ATP9A: variants seen among roughly 807,000 people sequenced by gnomAD.
ATP9A encodes the protein probable phospholipid-transporting ATPase IIA.
Under a neutral mutation model 144.1 loss-of-function variants are expected in ATP9A, and 52 were observed. The observed-to-expected ratio is 0.36, with a 90% confidence interval of 0.29 to 0.45. The LOEUF (loss-of-function observed/expected upper bound fraction) is 0.45, where lower values mean the gene tolerates loss of function less well. ATP9A is among the 20% of genes least tolerant of loss of function. The pLI, the probability that ATP9A is intolerant of heterozygous loss-of-function variation, is 1.00. For missense variants in ATP9A, 947 were observed against 1,392.7 expected, an observed-to-expected ratio of 0.68 and a Z score of 5.09; for synonymous variants, 582 against 557.4, an observed-to-expected ratio of 1.04 and a Z score of -0.62.
At chr20:51,695,624 A>G (rs890193484) in intron 6 of ATP9A, among the ~76,000 whole-genome samples, 3 of 152,182 alleles carry the variant, frequency 2.0e-5, no homozygotes, top group African/African-American at 7.2e-5. Context: ...TAAATAAATC[A>G]ATAGGTGCTA....
At chr20:51,763,331 G>A (rs1192085622) in intron 1 of ATP9A, among the ~76,000 whole-genome samples, 1 of 87,342 alleles carries the variant, frequency 1.1e-5, no homozygotes, top group African/African-American at 4.9e-5. Flanking sequence ...TTTTTTTTTT[G>A]AGATGGAGTC....
intron 2 of ATP9A, among the ~76,000 whole-genome samples, chr20:51,728,557 G>C (rs1041949151): frequency 1.4e-4 from 21 of 151,844 alleles, no homozygotes; most frequent in Non-Finnish European, 2.5e-4. Flanking sequence ...GAACCCAGGA[G>C]GCGGAGGTTG....
intron 16 of ATP9A, among the ~76,000 whole-genome samples, chr20:51,628,079 G>A (rs1305921954): frequency 6.6e-6 from 1 of 152,158 alleles, no homozygotes; most frequent in Non-Finnish European, 1.5e-5. Flanking sequence ...GTGTTCCCAG[G>A]AAGTGGAGGT....
At chr20:51,680,066 C>A (rs1287464021) in intron 9 of ATP9A, among the ~76,000 whole-genome samples, 1 of 151,836 alleles carries the variant, frequency 6.6e-6, no homozygotes, top group Non-Finnish European at 1.5e-5. Flanking sequence ...CCCGTCTCCA[C>A]TAAAAATATA....
chr20:51,681,066 G>A (rs2077497857), intron 9 of ATP9A, among the ~76,000 whole-genome samples: 1 of 152,152 alleles, frequency 6.6e-6, no homozygotes, highest in Non-Finnish European at 1.5e-5. Flanking sequence ...TCTTCAAGAT[G>A]CCAATATGCC....
chr20:51,634,137 A>G (rs1430124667), intron 15 of ATP9A, among the ~76,000 whole-genome samples: 1 of 152,198 alleles, frequency 6.6e-6, no homozygotes, highest in Non-Finnish European at 1.5e-5. Context: ...TCAAAAAAAT[A>G]TAACATGTCC....
intron 24 of ATP9A, among the ~76,000 whole-genome samples, chr20:51,608,957 G>A: frequency 6.6e-6 from 1 of 151,644 alleles, no homozygotes; most frequent in Admixed American, 6.6e-5. Context: ...GTGTGTGTAG[G>A]GGGTGATGGT....
intron 4 of ATP9A, among the ~76,000 whole-genome samples, chr20:51,706,220 A>C (rs1215705585): frequency 6.6e-6 from 1 of 152,208 alleles, no homozygotes; most frequent in Non-Finnish European, 1.5e-5. Context: ...TTATATGCAA[A>C]AGTGCTGAGC....
chr20:51,618,974 T>C lies in ATP9A; in HGVS notation c.2185A>G (p.Ile729Val), dbSNP rs775324869. The change falls in exon 20 of 28, where the codon ATC becomes GTC. Residue 729 changes from isoleucine to valine, a missense_variant. Coordinates refer to ENST00000338821, the MANE Select transcript of ATP9A (RefSeq NM_006045.3). ...CTCACCTCCAGGGAGTCTCCCGAGA[T>C]GACCAGGGCACAATCATGCTTCCTG... ...FRRKHDCALV[I>V]SGDSLEVCLK... is the part of the protein sequence containing the mutation. 6.2e-7 allele frequency: 1 copy of C among 1,614,040 alleles called. No homozygotes were observed. Among genetic ancestry groups the C allele is most frequent in the South Asian group, 1.1e-5 (1 of 91,060 alleles).
chr20:51,676,248 A>C, intron 9 of ATP9A, 40 bp from the exon 10 acceptor site: 1 of 1,466,766 alleles, frequency 6.8e-7, no homozygotes, highest in Non-Finnish European at 9.3e-7. Flanking sequence ...GAAAAGAAAT[A>C]TTAATACAGA....
chr20:51,718,382 GTTGT>G (rs2077671965), intron 3 of ATP9A, among the ~76,000 whole-genome samples: 2 of 150,196 alleles, frequency 1.3e-5, no homozygotes, highest in African/African-American at 4.9e-5. Flanking sequence ...GTGGGGGGGG[GTTGT>G]TTGTTTGGTT....
At chr20:51,602,167 T>TG (rs111985481) in intron 27 of ATP9A, among the ~76,000 whole-genome samples, 4,057 of 150,716 alleles carry the variant, frequency 0.027, 77 homozygotes, top group South Asian at 0.075. Flanking sequence ...TGATGGAAGG[T>TG]GGGGGGGGCG....
intron 6 of ATP9A, among the ~76,000 whole-genome samples, chr20:51,695,238 C>T: frequency 6.6e-6 from 1 of 151,968 alleles, no homozygotes; most frequent in Non-Finnish European, 1.5e-5. Context: ...CCTGTAATTC[C>T]AGCATTTTGG....
At chr20:51,619,587 GGC>G (rs2077218165) in intron 19 of ATP9A, among the ~76,000 whole-genome samples, 2 of 142,960 alleles carry the variant, frequency 1.4e-5, no homozygotes, top group African/African-American at 5.2e-5. Flanking sequence ...GGGGGGGGGG[GGC>G]CAGGTACGGT....
rs748388203 is a variant in ATP9A at position 51,619,016 on chromosome 20, C to T, written c.2143G>A (p.Glu715Lys). ...TGCTTCCTGCGGAAGGCGTTCAGCTCGAGGTGAGCCTCCCCGCGGTTGGTC... is the reference window on the plus strand; with the variant it reads ...TGCTTCCTGCGGAAGGCGTTCAGCTTGAGGTGAGCCTCCCCGCGGTTGGTC... ...LVTNRGEAHLELNAFRRKHDC... is the reference protein window; with the variant it reads ...LVTNRGEAHLKLNAFRRKHDC... The change falls in exon 20 of 28, where the codon GAG becomes AAG. Residue 715 changes from glutamate (E) to lysine (K), a missense_variant. Physicochemically the swap from Glu to Lys is moderately conservative, Grantham distance 56. Around this residue, in one of 2 missense-constraint regions of ATP9A, gnomAD observed 770 missense variants for 1,047.9 expected, o/e 0.73. Coordinates refer to ENST00000338821, the MANE Select transcript of ATP9A (RefSeq NM_006045.3). The T allele has an allele frequency of 1.2e-6, 2 of 1,613,974 alleles. No homozygotes were observed. Among genetic ancestry groups the T allele is most frequent in the Non-Finnish European group, 1.7e-6 (2 of 1,180,014 alleles).
In ATP9A at chr20:51,674,232, C is replaced by A; in HGVS notation, c.958G>T (p.Ala320Ser). ...CAACGGCCTGCAAAGTGCTGAAGGG[C>A]AACCATGACCAGCGAGACCACCACC... ...ALVVVSLVMV[A>S]LQHFAGRWYL... is the part of the protein sequence containing the mutation. Residue 320 changes from alanine (A) to serine (S), a missense_variant, in exon 11 of 28, where the codon GCC (alanine) becomes TCC (serine). Physicochemically the swap from Ala to Ser is moderately conservative, Grantham distance 99. Transcript: ENST00000338821. 6.2e-7 allele frequency: 1 copy of A among 1,613,914 alleles called. No individual in the cohort carries two copies. The highest frequency in any genetic ancestry group is 8.5e-7 in the Non-Finnish European group (1 of 1,179,974).
chr20:51,602,837 TTAA>T (rs1381533506), intron 27 of ATP9A, among the ~76,000 whole-genome samples: 1 of 152,170 alleles, frequency 6.6e-6, no homozygotes, highest in African/African-American at 2.4e-5. Flanking sequence ...CCATGACATG[TTAA>T]TGTCACAGGT....
chr20:51,601,405 G>A, intron 27 of ATP9A, 58 bp from the exon 28 acceptor site: 1 of 1,508,604 alleles, frequency 6.6e-7, no homozygotes, highest in Admixed American at 2.1e-5. Context: ...AAGGTGCATG[G>A]GGTCCAGAAA....
chr20:51,615,632 T>C (rs1013263348), intron 22 of ATP9A, among the ~76,000 whole-genome samples: 1 of 152,164 alleles, frequency 6.6e-6, no homozygotes, highest in Non-Finnish European at 1.5e-5. Context: ...TACTTCTAGA[T>C]TCTTTTATTT....
Sources: gnomAD v4.1 joint callset for allele counts (sites outside exome capture counted in the v4.1 genomes callset) on GRCh38, gnomAD v4.1.1 for gene constraint, gnomAD v4.1.1 regional missense constraint, MANE v1.5 for transcripts, NCBI Gene and HGNC (gene_info 2026-07-23, HGNC 2026-07-21) for gene names.